PCDH11X: variants seen among roughly 807,000 people sequenced by gnomAD.
PCDH11X encodes the protein protocadherin-11 X-linked.
Under a neutral mutation model 53.3 loss-of-function variants are expected in PCDH11X, and 18 were observed. The observed-to-expected ratio is 0.34, with a 90% CI of 0.23 to 0.50. The LOEUF is 0.50. Ranked by LOEUF, PCDH11X falls within the 20% of genes least tolerant of loss-of-function variation. The probability of loss-of-function intolerance (pLI) is 0.98; values close to 1 mark genes in which losing one functional copy is unlikely to be tolerated. For missense variants in PCDH11X, 570 were observed against 1,032.4 expected (o/e 0.55, Z 6.14); for synonymous variants, 279 against 393.3 (o/e 0.71, Z 3.44).
chrX:92,567,167 T>C (rs1921572651), intron 10 of PCDH11X, among the ~76,000 whole-genome samples: 1 of 104,430 alleles, frequency 9.6e-6, no homozygotes, highest in African/African-American at 3.5e-5. Context: ...GTGAAGAATG[T>C]CAATGGTACT....
chrX:92,216,391 A>G (rs1307132852), intron 7 of PCDH11X, among the ~76,000 whole-genome samples: 3 of 106,038 alleles, frequency 2.8e-5, no homozygotes, highest in Admixed American at 2.1e-4. Flanking sequence ...AGGCTCGAGA[A>G]CTATGTGAAG....
intron 10 of PCDH11X, among the ~76,000 whole-genome samples, chrX:92,615,305 AGCAAGTGGGC>A (rs1007589916): frequency 7.2e-5 from 8 of 111,200 alleles, no homozygotes; most frequent in Admixed American, 6.7e-4. Flanking sequence ...TGCTGATTCA[AGCAAGTGGGC>A]GCTCCAGATG....
At chrX:92,321,848 C>T (rs2069221314) in intron 8 of PCDH11X, among the ~76,000 whole-genome samples, 1 of 110,797 alleles carries the variant, frequency 9.0e-6, no homozygotes, top group African/African-American at 3.3e-5. Flanking sequence ...AAGGTCCATT[C>T]ATTCAGTGGT....
chrX:92,338,113 A>G (rs2069664201), intron 8 of PCDH11X, among the ~76,000 whole-genome samples: 1 of 111,775 alleles, frequency 8.9e-6, no homozygotes, highest in East Asian at 2.8e-4. Context: ...AATAAGTCAT[A>G]ATTCAATTTT....
chrX:92,063,550 T>A (rs2148066954), intron 6 of PCDH11X, among the ~76,000 whole-genome samples: 1 of 111,444 alleles, frequency 9.0e-6, no homozygotes, highest in East Asian at 2.8e-4. Flanking sequence ...ATTCTATTTC[T>A]GTCATTTTAG....
chrX:92,004,595 T>G (rs1315082523), intron 6 of PCDH11X, among the ~76,000 whole-genome samples: 4 of 109,853 alleles, frequency 3.6e-5, no homozygotes, highest in Admixed American at 2.0e-4. Flanking sequence ...AATTCTTATA[T>G]TCTTTTGTGA....
rs185143986 is a variant in PCDH11X at position 92,362,988 on chromosome X, C to G, written c.3145-24747C>G. On this transcript the variant is annotated intron_variant, in intron 8 of 10. Coordinates refer to ENST00000682573, the MANE Select transcript of PCDH11X (RefSeq NM_032968.5). ...ATGTGAACCTTTAATTTTAGGTTCT[C>G]TAATCTATTTTTTTTGGTCTATTTA... Among the ~76,000 whole-genome samples the G allele has an allele frequency of 1.6e-3, 177 of 109,288 alleles. 2 individuals are homozygous for G. Among genetic ancestry groups the G allele is most frequent in the Admixed American group, 0.012 (118 of 10,155 alleles). 94.9% of individuals were successfully genotyped at this position (109,288 alleles called of 115,157 possible). A position where few individuals can be genotyped will look rare whatever the true frequency, so the allele number is the denominator to read the frequency against.
At chrX:92,276,395 A>G (rs1175117440) in intron 8 of PCDH11X, among the ~76,000 whole-genome samples, 1 of 109,134 alleles carries the variant, frequency 9.2e-6, no homozygotes, top group Non-Finnish European at 1.9e-5. Flanking sequence ...GGGCTCTGGG[A>G]GTGGCTGCCA....
At chrX:92,014,911 G>A (rs757961786) in intron 6 of PCDH11X, among the ~76,000 whole-genome samples, 1 of 110,780 alleles carries the variant, frequency 9.0e-6, no homozygotes, top group African/African-American at 3.3e-5. Flanking sequence ...GGGATGGATA[G>A]CATTAGGAGA....
intron 8 of PCDH11X, among the ~76,000 whole-genome samples, chrX:92,267,901 C>T (rs2067867995): frequency 8.9e-6 from 1 of 111,888 alleles, no homozygotes; most frequent in Non-Finnish European, 1.9e-5. Flanking sequence ...GCTTAGGTGT[C>T]TCTTGTACTT....
At chrX:92,181,981 A>G (rs1356834723) in intron 6 of PCDH11X, among the ~76,000 whole-genome samples, 1 of 111,926 alleles carries the variant, frequency 8.9e-6, no homozygotes, top group African/African-American at 3.3e-5. Context: ...GAGGGCCACC[A>G]TCCTCCAGAC....
rs770314477 is a variant in PCDH11X, at chrX:92,618,482, T to C, written c.3586T>C (p.Cys1196Arg). 10 of 1,211,708 alleles carry C rather than the reference T, an allele frequency of 8.3e-6. No individual in the cohort carries two copies. The Admixed American group carries it at 2.0e-4, about 24-fold the overall frequency. ...ACGAGTGACACAGACCATTGCTCTCTGCCACAGCCCTCCAGTGACACAGAC... is the reference window on the plus strand; with the variant it reads ...ACGAGTGACACAGACCATTGCTCTCCGCCACAGCCCTCCAGTGACACAGAC... ...SPRVTQTIAL[C>R]HSPPVTQTIA... The change falls in exon 11 of 11, where the codon TGC (cysteine) becomes CGC (arginine). Residue 1196 changes from cysteine (C) to arginine (R), a missense_variant. Physicochemically the swap from Cys to Arg is radical, Grantham distance 180 (BLOSUM62 -3). This residue lies in a region of PCDH11X where 234 missense variants were observed against 296.1 expected (regional missense o/e 0.79). Transcript: ENST00000682573.
chrX:92,325,655 T>C (rs1307357257), intron 8 of PCDH11X, among the ~76,000 whole-genome samples: 1 of 112,344 alleles, frequency 8.9e-6, no homozygotes, highest in Non-Finnish European at 1.9e-5. Context: ...TTTGCAAATA[T>C]GGCAAATGCC....
intron 8 of PCDH11X, among the ~76,000 whole-genome samples, chrX:92,369,830 A>C (rs1217934515): frequency 9.1e-6 from 1 of 109,625 alleles, no homozygotes; most frequent in African/African-American, 3.3e-5. Flanking sequence ...GGTTGGACTT[A>C]CTGCCTAACC....
At chrX:91,907,073 A>G (rs1941184058) in intron 6 of PCDH11X, among the ~76,000 whole-genome samples, 3 of 110,564 alleles carry the variant, frequency 2.7e-5, no homozygotes, top group Admixed American at 2.0e-4. Context: ...TGCCAACTTC[A>G]TGCCATACAG....
At chrX:92,438,502 A>C (rs777914129) in intron 9 of PCDH11X, among the ~76,000 whole-genome samples, 1,544 of 111,019 alleles carry the variant, frequency 0.014, 20 homozygotes, top group African/African-American at 0.048. Context: ...AGAAGCAGGA[A>C]GGTCAGTCTC....
chrX:91,841,196 T>C (rs1451592090), intron 5 of PCDH11X, among the ~76,000 whole-genome samples: 2 of 111,596 alleles, frequency 1.8e-5, no homozygotes, highest in East Asian at 5.6e-4. Context: ...TCTTAACAAA[T>C]GAGAGTGTGA....
chrX:92,104,986 C>A (rs2064345622), intron 6 of PCDH11X, among the ~76,000 whole-genome samples: 1 of 111,087 alleles, frequency 9.0e-6, no homozygotes, highest in Non-Finnish European at 1.9e-5. Context: ...GCGAGACTTG[C>A]CACCAAGGGT....
intron 10 of PCDH11X, among the ~76,000 whole-genome samples, chrX:92,545,407 T>G (rs1602300264): frequency 2.3e-5 from 2 of 86,041 alleles, no homozygotes; most frequent in African/African-American, 4.1e-5. Flanking sequence ...TTTTTTTTTT[T>G]TTTTTTGTTT....
Sources: allele counts gnomAD v4.1 joint callset (sites outside exome capture counted in the v4.1 genomes callset), GRCh38; gene constraint gnomAD v4.1.1; regional missense constraint gnomAD v4.1.1; transcripts MANE v1.5; gene names NCBI Gene and HGNC (gene_info 2026-07-23, HGNC 2026-07-21).